PTPRK: variants seen among roughly 807,000 people sequenced by gnomAD.
PTPRK encodes protein tyrosine phosphatase receptor type K.
A neutral mutation model predicts 178.0 loss-of-function variants in PTPRK; 75 were observed. The observed-to-expected ratio is 0.42, with a 90% CI of 0.35 to 0.51. The LOEUF is 0.51. PTPRK is among the 20% of genes least tolerant of loss of function. The pLI, the probability that PTPRK is intolerant of heterozygous loss-of-function variation, is 0.02. For synonymous variants in PTPRK, 637 were observed against 620.6 expected (o/e 1.03, Z -0.39); for missense variants, 1,441 against 1,797.8 (o/e 0.80, Z 3.59).
intron 1 of PTPRK, among the ~76,000 whole-genome samples, chr6:128,416,276 T>C (rs1028454909): frequency 1.3e-5 from 2 of 151,784 alleles, no homozygotes; most frequent in African/African-American, 4.8e-5. Context: ...AAAAGCAGCA[T>C]GATTAACGAT....
chr6:128,111,172 C>A (rs543244860), intron 7 of PTPRK, among the ~76,000 whole-genome samples: 1 of 152,310 alleles, frequency 6.6e-6, no homozygotes, highest in African/African-American at 2.4e-5. Context: ...CTCCTGAATG[C>A]AACCAAAGAC....
At chr6:128,354,360 C>T (rs1833673552) in intron 2 of PTPRK, among the ~76,000 whole-genome samples, 1 of 148,318 alleles carries the variant, frequency 6.7e-6, no homozygotes, top group Non-Finnish European at 1.5e-5. Context: ...GCCTCAGCCT[C>T]CTAAGTAGCT....
intron 7 of PTPRK, among the ~76,000 whole-genome samples, chr6:128,104,715 C>T (rs113380734): frequency 0.026 from 3,916 of 152,254 alleles, 75 homozygotes; most frequent in Middle Eastern, 0.092. Flanking sequence ...AAGCCATCAA[C>T]GAAAGCTTAT....
At chr6:128,270,857 G>C (rs1438599195) in intron 3 of PTPRK, among the ~76,000 whole-genome samples, 2 of 152,062 alleles carry the variant, frequency 1.3e-5, no homozygotes, top group African/African-American at 4.8e-5. Flanking sequence ...GGAGACATCA[G>C]TGTACCAATC....
At chr6:128,295,899 C>T (rs1289750208) in intron 3 of PTPRK, among the ~76,000 whole-genome samples, 2 of 152,062 alleles carry the variant, frequency 1.3e-5, no homozygotes, top group African/African-American at 4.8e-5. Flanking sequence ...TTATGTATAG[C>T]TTACTGTTGA....
intron 15 of PTPRK, among the ~76,000 whole-genome samples, chr6:128,001,748 G>A (rs1488294967): frequency 1.3e-5 from 2 of 151,862 alleles, no homozygotes; most frequent in East Asian, 1.9e-4. Flanking sequence ...AGTTCATATT[G>A]TAAATCCACA....
intron 1 of PTPRK, among the ~76,000 whole-genome samples, chr6:128,397,982 A>C (rs759541382): frequency 2.6e-5 from 4 of 152,194 alleles, no homozygotes; most frequent in Non-Finnish European, 4.4e-5. Context: ...TGAAATATAC[A>C]AAGTGTTAGT....
At chr6:128,442,031 G>A (rs967259708) in intron 1 of PTPRK, among the ~76,000 whole-genome samples, 1 of 152,166 alleles carries the variant, frequency 6.6e-6, no homozygotes, top group South Asian at 2.1e-4. Flanking sequence ...CAGATCTCAA[G>A]TGTTAACTCC....
At chr6:128,438,337 G>A (rs1239651313) in intron 1 of PTPRK, among the ~76,000 whole-genome samples, 1 of 152,208 alleles carries the variant, frequency 6.6e-6, no homozygotes, top group Non-Finnish European at 1.5e-5. Context: ...TATACACACA[G>A]TAACACTCTA....
intron 24 of PTPRK, among the ~76,000 whole-genome samples, chr6:127,982,597 T>C (rs1775481832): frequency 6.6e-6 from 1 of 152,184 alleles, no homozygotes; most frequent in South Asian, 2.1e-4. Context: ...TTATGATACC[T>C]TTCCCCTTTG....
chr6:128,402,651 T>C (rs564575045), intron 1 of PTPRK, among the ~76,000 whole-genome samples: 1 of 152,346 alleles, frequency 6.6e-6, no homozygotes, highest in East Asian at 1.9e-4. Context: ...CTGGGAATAC[T>C]GAAGGTACAA....
chr6:128,137,157 T>C (rs1795135175), intron 7 of PTPRK, among the ~76,000 whole-genome samples: 1 of 152,210 alleles, frequency 6.6e-6, no homozygotes, highest in African/African-American at 2.4e-5. Context: ...AACAGATAGG[T>C]ACTTGCAGAA....
At chr6:128,264,209 A>G (rs538212716) in intron 3 of PTPRK, among the ~76,000 whole-genome samples, 1 of 152,268 alleles carries the variant, frequency 6.6e-6, no homozygotes, top group African/African-American at 2.4e-5. Flanking sequence ...CAGGAGTGAT[A>G]TTATTTGGAG....
At chr6:128,323,813 C>G (rs963418038) in intron 2 of PTPRK, among the ~76,000 whole-genome samples, 2 of 151,998 alleles carry the variant, frequency 1.3e-5, no homozygotes, top group Admixed American at 6.6e-5. Flanking sequence ...TTATCATCTT[C>G]TCTTGTAAGC....
chr6:128,511,801 G>A (rs1161552810), intron 1 of PTPRK, among the ~76,000 whole-genome samples: 1 of 152,122 alleles, frequency 6.6e-6, no homozygotes, highest in Non-Finnish European at 1.5e-5. Context: ...ATAGCCACTT[G>A]GGACAAGTTA....
At chr6:127,997,129 A>C in intron 16 of PTPRK, 141 bp from the exon 17 acceptor site, 25 of 774,222 alleles carry the variant, frequency 3.2e-5, no homozygotes, top group Non-Finnish European at 4.8e-5. Context: ...TTTCATTCTC[A>C]GACCTCAAAG....
intron 1 of PTPRK, among the ~76,000 whole-genome samples, chr6:128,456,901 A>G (rs1848464112): frequency 6.6e-6 from 1 of 152,118 alleles, no homozygotes; most frequent in African/African-American, 2.4e-5. Flanking sequence ...TAAATTTGAA[A>G]AATACATTTC....
intron 3 of PTPRK, among the ~76,000 whole-genome samples, chr6:128,269,395 T>C (rs945142522): frequency 2.6e-5 from 4 of 151,782 alleles, no homozygotes; most frequent in African/African-American, 7.3e-5. Flanking sequence ...GAGGACATCA[T>C]ATGGTCTATG....
At chr6:128,379,216 A>C (rs1247665435) in intron 2 of PTPRK, among the ~76,000 whole-genome samples, 2 of 151,952 alleles carry the variant, frequency 1.3e-5, no homozygotes, top group Non-Finnish European at 2.9e-5. Flanking sequence ...TACTCTCTCT[A>C]TCTCTGTACT....
Sources: allele counts gnomAD v4.1 joint callset (sites outside exome capture counted in the v4.1 genomes callset), GRCh38; gene constraint gnomAD v4.1.1; transcripts MANE v1.5; gene names NCBI Gene and HGNC (gene_info 2026-07-23, HGNC 2026-07-21).